Variants in GPC6 observed in about 807,000 individuals in gnomAD.
GPC6 encodes glypican 6, also known as glypican-6.
In GPC6, 14 loss-of-function variants were observed where a neutral mutation model predicts 55.2. The ratio of observed to expected loss-of-function variants is 0.25; its 90% CI spans 0.17 to 0.40. GPC6 has a LOEUF of 0.40. Among genes scored for constraint, GPC6 ranks in the 10% least tolerant of loss-of-function variants. The probability of loss-of-function intolerance (pLI) is 1.00; values close to 1 mark genes in which losing one functional copy is unlikely to be tolerated. For synonymous variants in GPC6, 278 were observed against 259.6 expected, an observed-to-expected ratio of 1.07 and a Z score of -0.68; for missense variants, 641 against 708.5, an observed-to-expected ratio of 0.90 and a Z score of 1.08.
chr13:94,214,071 G>A (rs1890161264), intron 4 of GPC6, among the ~76,000 whole-genome samples: 1 of 152,184 alleles, frequency 6.6e-6, no homozygotes, highest in Non-Finnish European at 1.5e-5. Flanking sequence ...AGTCTCTTAG[G>A]ATTTGAGTTT....
intron 4 of GPC6, among the ~76,000 whole-genome samples, chr13:94,171,762 C>A (rs1212490582): frequency 2.0e-5 from 3 of 152,120 alleles, no homozygotes; most frequent in African/African-American, 7.2e-5. Flanking sequence ...CATGTAGCTG[C>A]AGATTAGTAT....
At chr13:94,379,522 C>A (rs1417096190) in intron 6 of GPC6, among the ~76,000 whole-genome samples, 1 of 152,164 alleles carries the variant, frequency 6.6e-6, no homozygotes, top group Non-Finnish European at 1.5e-5. Flanking sequence ...AAATACAACC[C>A]CACAGTTTTC....
chr13:93,225,508 G>T (rs1287141522), upstream of GPC6, among the ~76,000 whole-genome samples: 6 of 151,062 alleles, frequency 4.0e-5, no homozygotes, highest in African/African-American at 1.5e-4. Context: ...GTTTTGTTTT[G>T]TTTTTTTTTT....
chr13:93,363,445 T>C (rs1221520568), intron 1 of GPC6, among the ~76,000 whole-genome samples: 269 of 152,248 alleles, frequency 1.8e-3, no homozygotes, highest in Non-Finnish European at 2.9e-3. Flanking sequence ...TCATCCATGT[T>C]CCTACAAAAG....
intron 4 of GPC6, among the ~76,000 whole-genome samples, chr13:94,235,209 A>G (rs957247156): frequency 6.6e-6 from 1 of 152,166 alleles, no homozygotes. Context: ...AGAGTGAGCT[A>G]TAAAGCACTA....
chr13:93,221,452 G>C, the GPC6 span, among the ~76,000 whole-genome samples: 1 of 152,070 alleles, frequency 6.6e-6, no homozygotes, highest in East Asian at 1.9e-4. Context: ...GAAGAATATT[G>C]CAAGACAAGA....
chr13:93,272,833 T>C lies in GPC6; in HGVS notation c.160+45217T>C, dbSNP rs1215261865. Among the ~76,000 whole-genome samples, 4 of 152,276 alleles carry C rather than the reference T, an allele frequency of 2.6e-5. No individual in the cohort carries two copies. In the East Asian group the frequency reaches 7.7e-4, roughly 29 times the overall value. The stretch of plus-strand genomic sequence containing the variant: ...ATTGACTTATCCAACTTTATTTCCA[T>C]GTTAGATACCAGCAGTTCAGAAACA... On this transcript the variant is annotated intron_variant, in intron 1 of 8. Coordinates refer to ENST00000377047, the MANE Select transcript of GPC6 (RefSeq NM_005708.5).
In GPC6 at chr13:93,964,367, A is replaced by G. The variant is rs535731017; in HGVS notation, c.712-63362A>G. Among the ~76,000 whole-genome samples the G allele has an allele frequency of 1.3e-4, 20 of 152,312 alleles. No homozygotes were observed. The South Asian group carries it at 3.9e-3, about 30-fold the overall frequency. Reference sequence around the variant, plus strand: ...TAGTTTAAGTGTAAAAAAAGGCCGTAAAAGGAGCCCATTATTATCAATGGC... The same window carrying G: ...TAGTTTAAGTGTAAAAAAAGGCCGTGAAAGGAGCCCATTATTATCAATGGC... On this transcript the variant is annotated intron_variant, in intron 3 of 8. Coordinates refer to ENST00000377047, the MANE Select transcript of GPC6 (RefSeq NM_005708.5).
intron 4 of GPC6, among the ~76,000 whole-genome samples, chr13:94,201,671 C>T (rs1177365453): frequency 6.6e-6 from 1 of 152,158 alleles, no homozygotes; most frequent in Admixed American, 6.6e-5. Flanking sequence ...TACATAGCGG[C>T]CGGGCATGGT....
At chr13:94,170,999 C>T (rs549600586) in intron 4 of GPC6, among the ~76,000 whole-genome samples, 18 of 152,270 alleles carry the variant, frequency 1.2e-4, no homozygotes, top group African/African-American at 3.9e-4. Context: ...TCTTTAGTTG[C>T]TTATTTGTGT....
intron 2 of GPC6, among the ~76,000 whole-genome samples, chr13:93,708,183 A>G (rs1882922370): frequency 6.6e-6 from 1 of 151,862 alleles, no homozygotes; most frequent in Admixed American, 6.6e-5. Context: ...ATTAAGTAAC[A>G]TATATGTGGG....
At chr13:94,000,417 A>G (rs1169741938) in intron 3 of GPC6, among the ~76,000 whole-genome samples, 2 of 152,198 alleles carry the variant, frequency 1.3e-5, no homozygotes, top group Non-Finnish European at 2.9e-5. Flanking sequence ...ACACCTTGAG[A>G]CTAGCATCAC....
rs189483472 is a variant in GPC6 at position 93,967,659 on chromosome 13, A to G, written c.712-60070A>G. ...CTGCACTGTGCCTGTCATTGTTTGGACCTAGGAAGACTTCTACCTGATTAT... is the reference window on the plus strand; with the variant it reads ...CTGCACTGTGCCTGTCATTGTTTGGGCCTAGGAAGACTTCTACCTGATTAT... On this transcript the variant is annotated intron_variant, in intron 3 of 8. Coordinates refer to ENST00000377047, the MANE Select transcript of GPC6 (RefSeq NM_005708.5). 9.1e-4 allele frequency among the ~76,000 whole-genome samples: 138 copies of G among 152,280 alleles called. 1 individual carries two copies. The highest frequency in any genetic ancestry group is 3.2e-3 in the African/African-American group (132 of 41,566).
At position 93,797,860 on chromosome 13, in the gene GPC6, C is replaced by G. The variant is rs1594466174; in HGVS notation, c.320-32294C>G. The stretch of plus-strand genomic sequence containing the variant: ...GACTGTTTCGAACATGTGAAATGTT[C>G]TGGGTCTCTATTTCCAGTGGGTTTT... On this transcript the variant is annotated intron_variant, in intron 2 of 8. Coordinates refer to ENST00000377047, the MANE Select transcript of GPC6 (RefSeq NM_005708.5). Among the ~76,000 whole-genome samples the G allele has an allele frequency of 2.0e-5, 3 of 152,038 alleles. No homozygotes were observed. The Middle Eastern group carries it at 0.01, about 517-fold the overall frequency.
intron 2 of GPC6, among the ~76,000 whole-genome samples, chr13:93,619,329 C>T (rs998539223): frequency 2.6e-5 from 4 of 152,150 alleles, no homozygotes; most frequent in African/African-American, 7.2e-5. Context: ...TGTTTTGCTT[C>T]TCACATTGAC....
At chr13:94,182,050 G>C (rs959231800) in intron 4 of GPC6, among the ~76,000 whole-genome samples, 10 of 152,212 alleles carry the variant, frequency 6.6e-5, no homozygotes, top group Admixed American at 6.5e-4. Flanking sequence ...ACGCAATGTA[G>C]ACCCAGTAGT....
chr13:94,260,961 T>A (rs1006555820), intron 4 of GPC6, among the ~76,000 whole-genome samples: 11 of 151,794 alleles, frequency 7.2e-5, no homozygotes. Context: ...AACACCTTAG[T>A]GTTAGATTGA....
intron 2 of GPC6, among the ~76,000 whole-genome samples, chr13:93,819,786 C>T (rs1252582187): frequency 6.6e-6 from 1 of 152,160 alleles, no homozygotes; most frequent in African/African-American, 2.4e-5. Context: ...ATCTATACCA[C>T]CATGAGAACA....
chr13:93,846,448 A>T lies in GPC6; in HGVS notation c.711+15903A>T, dbSNP rs185023561. On this transcript the variant is annotated intron_variant, in intron 3 of 8. Transcript: ENST00000377047. ...GAATTTTTGGTCTCTAAATACAGCA[A>T]CCTAATGCAAAACTCAATGGTCTAT... Among the ~76,000 whole-genome samples, 4 of 152,322 alleles carry T rather than the reference A, an allele frequency of 2.6e-5. No homozygotes were observed. The East Asian group carries it at 7.7e-4, about 29-fold the overall frequency.
Sources: allele counts gnomAD v4.1 joint callset (sites outside exome capture counted in the v4.1 genomes callset), GRCh38; gene constraint gnomAD v4.1.1; transcripts MANE v1.5; gene names NCBI Gene and HGNC (gene_info 2026-07-23, HGNC 2026-07-21).